MKX: variants seen among roughly 807,000 people sequenced by gnomAD.
The protein encoded by MKX is homeobox protein Mohawk.
MKX carries 13 observed loss-of-function variants against 36.0 expected under a neutral mutation model. That is an observed-to-expected ratio of 0.36 (90% CI 0.24 to 0.57). MKX has a LOEUF of 0.57. MKX is among the 20% of genes least tolerant of loss of function. The pLI is 0.79. For missense variants in MKX, 458 were observed against 456.4 expected (o/e 1.00, Z -0.03); for synonymous variants, 176 against 178.3 (o/e 0.99, Z 0.10).
At chr10:27,731,863 A>T (rs1186224930) in intron 5 of MKX, among the ~76,000 whole-genome samples, 2 of 152,160 alleles carry the variant, frequency 1.3e-5, no homozygotes, top group Non-Finnish European at 2.9e-5. Context: ...AAGACTCACC[A>T]CACTGGGAAA....
chr10:27,721,447 A>G (rs962700253), intron 5 of MKX, among the ~76,000 whole-genome samples: 92 of 152,358 alleles, frequency 6.0e-4, no homozygotes, highest in African/African-American at 2.1e-3. Flanking sequence ...ATGCACCCAT[A>G]AAAAGAAATG....
chr10:27,689,713 C>T (rs1836418913), intron 5 of MKX, among the ~76,000 whole-genome samples: 1 of 151,414 alleles, frequency 6.6e-6, no homozygotes, highest in African/African-American at 2.4e-5. Flanking sequence ...TAACTCATCT[C>T]CACTTTAAAT....
chr10:27,734,120 T>C (rs1003758985), intron 5 of MKX, among the ~76,000 whole-genome samples: 10 of 152,172 alleles, frequency 6.6e-5, no homozygotes, highest in African/African-American at 2.4e-4. Context: ...ATTCTGAAGA[T>C]TAAAATTATT....
At chr10:27,689,935 G>C (rs906496235) in intron 5 of MKX, among the ~76,000 whole-genome samples, 1 of 152,176 alleles carries the variant, frequency 6.6e-6, no homozygotes, top group Non-Finnish European at 1.5e-5. Flanking sequence ...CTAACCGGAA[G>C]CATCTGATTA....
intron 5 of MKX, among the ~76,000 whole-genome samples, chr10:27,725,769 T>C (rs532263623): frequency 6.6e-6 from 1 of 152,166 alleles, no homozygotes; most frequent in South Asian, 2.1e-4. Flanking sequence ...CTTGAAATTC[T>C]TTTTAATCTT....
In MKX at chr10:27,725,206, C is replaced by A. The variant is rs138362938; in HGVS notation, c.838+9250G>T. 3.9e-5 allele frequency among the ~76,000 whole-genome samples: 6 copies of A among 152,210 alleles called. No individual in the cohort carries two copies. In the East Asian group the frequency reaches 7.7e-4, roughly 20 times the overall value. ...CTAACCTGAAAAATAAGGGATTGAT[C>A]TGGAAGATCCTTTAAAAGCTGATTG... On this transcript the variant is annotated intron_variant, in intron 5 of 6. Coordinates refer to ENST00000419761, the MANE Select transcript of MKX (RefSeq NM_173576.3).
chr10:27,711,415 T>C (rs1271695543), intron 5 of MKX, among the ~76,000 whole-genome samples: 1 of 150,938 alleles, frequency 6.6e-6, no homozygotes, highest in Non-Finnish European at 1.5e-5. Flanking sequence ...TTTCCTTCTT[T>C]CTTTCTTTCT....
At chr10:27,701,043 A>G (rs544446294) in intron 5 of MKX, among the ~76,000 whole-genome samples, 105 of 152,292 alleles carry the variant, frequency 6.9e-4, no homozygotes, top group African/African-American at 2.4e-3. Context: ...AGTAGCCACA[A>G]ATAATTTCCT....
intron 5 of MKX, among the ~76,000 whole-genome samples, chr10:27,682,231 T>C (rs1836266771): frequency 6.6e-6 from 1 of 152,226 alleles, no homozygotes; most frequent in Non-Finnish European, 1.5e-5. Flanking sequence ...GAAAATATTT[T>C]CATACAGCTG....
intron 5 of MKX, among the ~76,000 whole-genome samples, chr10:27,685,546 G>T (rs111245983): frequency 0.11 from 17,018 of 150,842 alleles, 1,801 homozygotes; most frequent in East Asian, 0.26. Flanking sequence ...CCTCCCGGGT[G>T]CACGCCATTC....
chr10:27,723,131 A>G (rs1834416381), intron 5 of MKX, among the ~76,000 whole-genome samples: 1 of 152,158 alleles, frequency 6.6e-6, no homozygotes, highest in Non-Finnish European at 1.5e-5. Flanking sequence ...TTATGCTTAT[A>G]CTTTTCCAAG....
intron 5 of MKX, among the ~76,000 whole-genome samples, chr10:27,711,489 CTCTCT>C (rs1836862446): frequency 4.1e-5 from 2 of 49,194 alleles, no homozygotes; most frequent in Admixed American, 2.5e-4. Flanking sequence ...CTTTCTCTCT[CTCTCT>C]CTTCTTTCCT....
intron 5 of MKX, among the ~76,000 whole-genome samples, chr10:27,719,846 G>C (rs1373163510): frequency 6.6e-6 from 1 of 151,710 alleles, no homozygotes; most frequent in Non-Finnish European, 1.5e-5. Context: ...AAATTAGCTG[G>C]GCATGGTGGC....
chr10:27,700,333 A>G (rs1836628564), intron 5 of MKX, among the ~76,000 whole-genome samples: 1 of 152,208 alleles, frequency 6.6e-6, no homozygotes, highest in African/African-American at 2.4e-5. Context: ...ACTTAAACAA[A>G]ATAACTTTCC....
intron 5 of MKX, among the ~76,000 whole-genome samples, chr10:27,701,188 T>C (rs2451920): frequency 0.78 from 118,199 of 151,808 alleles, 46,219 homozygotes; most frequent in Admixed American, 0.83. Context: ...GTGAAGTTAG[T>C]TAACGTAAGT....
intron 5 of MKX, among the ~76,000 whole-genome samples, chr10:27,687,010 T>TC (rs58681003): frequency 0.69 from 101,133 of 146,988 alleles, 38,350 homozygotes; most frequent in Non-Finnish European, 0.88. Flanking sequence ...CACCTCTCTC[T>TC]TTTTTTTTTT....
chr10:27,686,086 C>T (rs1836342958), intron 5 of MKX, among the ~76,000 whole-genome samples: 1 of 152,040 alleles, frequency 6.6e-6, no homozygotes, highest in Non-Finnish European at 1.5e-5. Flanking sequence ...CAACTAAAGC[C>T]TGGTGAAGAT....
At chr10:27,682,242 T>G (rs1282706672) in intron 5 of MKX, among the ~76,000 whole-genome samples, 1 of 152,198 alleles carries the variant, frequency 6.6e-6, no homozygotes. Flanking sequence ...CATACAGCTG[T>G]CCAATGTGTT....
At position 27,740,119 on chromosome 10, in the gene MKX, G is replaced by A. The variant is rs73604053; in HGVS notation, c.348+1226C>T. Among the ~76,000 whole-genome samples the A allele has an allele frequency of 7.9e-3, 1,205 of 152,224 alleles. 14 individuals are homozygous for A. Among genetic ancestry groups the A allele is most frequent in the African/African-American group, 0.025 (1,034 of 41,540 alleles). ...TATTCTGAAAATAAGCAGAAATTAC[G>A]TATTCTAGTATTGATAGCCTGACAA... On this transcript the variant is annotated intron_variant, in intron 3 of 6. Coordinates refer to ENST00000419761, the MANE Select transcript of MKX (RefSeq NM_173576.3).
Sources: allele counts gnomAD v4.1 joint callset (sites outside exome capture counted in the v4.1 genomes callset), GRCh38; gene constraint gnomAD v4.1.1; transcripts MANE v1.5; gene names NCBI Gene and HGNC (gene_info 2026-07-23, HGNC 2026-07-21).